The following CCDC192 variants were observed in gnomAD, a reference collection of about 807,000 sequenced individuals.
CCDC192 encodes the protein coiled-coil domain containing 192.
At chr5:127,853,778 G>A (rs1561524134) in intron 5 of CCDC192, among the ~76,000 whole-genome samples, 1 of 151,920 alleles carries the variant, frequency 6.6e-6, no homozygotes, top group African/African-American at 2.4e-5. Context: ...GTCTCAAAAA[G>A]CAAACAAACA....
intron 1 of CCDC192, among the ~76,000 whole-genome samples, chr5:127,706,277 C>T (rs1335863110): frequency 6.6e-6 from 1 of 151,836 alleles, no homozygotes; most frequent in Non-Finnish European, 1.5e-5. Flanking sequence ...GCCTGTAATC[C>T]CAGCACTTTG....
chr5:127,771,737 T>G lies in CCDC192; in HGVS notation c.222+17362T>G, dbSNP rs193272351. ...CCTCTTCAAATAACAGAATCCCAAT[T>G]AAAGTAATGTAATAATGTTGCAGGA... On this transcript the variant is annotated intron_variant, in intron 3 of 6. Transcript: ENST00000514853. 1.3e-4 allele frequency among the ~76,000 whole-genome samples: 20 copies of G among 152,332 alleles called. 1 individual carries two copies. In the East Asian group the frequency reaches 3.9e-3, roughly 29 times the overall value.
intron 6 of CCDC192, among the ~76,000 whole-genome samples, chr5:127,883,815 AG>A (rs1752447539): frequency 6.6e-6 from 1 of 152,232 alleles, no homozygotes; most frequent in African/African-American, 2.4e-5. Context: ...AGCATTGATC[AG>A]GACTTTGTTG....
At chr5:127,826,768 C>A (rs1232828696) in intron 5 of CCDC192, among the ~76,000 whole-genome samples, 2 of 150,482 alleles carry the variant, frequency 1.3e-5, no homozygotes, top group African/African-American at 4.9e-5. Context: ...GCACATGTAC[C>A]CCCTCAAGCT....
At chr5:127,900,243 C>T (rs1195217139) in intron 6 of CCDC192, among the ~76,000 whole-genome samples, 1 of 152,176 alleles carries the variant, frequency 6.6e-6, no homozygotes, top group African/African-American at 2.4e-5. Flanking sequence ...ACAGGTGCTC[C>T]TTCCTTTTCC....
chr5:127,734,155 C>A (rs1458320015), intron 2 of CCDC192, among the ~76,000 whole-genome samples: 1 of 146,286 alleles, frequency 6.8e-6, no homozygotes, highest in Non-Finnish European at 1.5e-5. Flanking sequence ...CAGTTCCCAC[C>A]TATGAGTGAG....
intron 3 of CCDC192, among the ~76,000 whole-genome samples, chr5:127,771,375 G>A (rs116030216): frequency 6.6e-6 from 1 of 152,148 alleles, no homozygotes; most frequent in Non-Finnish European, 1.5e-5. Flanking sequence ...TTTTAAAAGA[G>A]TTCAATTACA....
chr5:127,810,217 G>T (rs1025500720), intron 5 of CCDC192, among the ~76,000 whole-genome samples: 1 of 152,170 alleles, frequency 6.6e-6, no homozygotes, highest in Non-Finnish European at 1.5e-5. Flanking sequence ...GTCCATTGTG[G>T]GACTTGCTGG....
At chr5:127,781,238 T>C (rs1561484847) in intron 3 of CCDC192, among the ~76,000 whole-genome samples, 1 of 152,210 alleles carries the variant, frequency 6.6e-6, no homozygotes, top group Non-Finnish European at 1.5e-5. Flanking sequence ...TATGGCCTTA[T>C]AGTATAGTTT....
intron 5 of CCDC192, among the ~76,000 whole-genome samples, chr5:127,865,395 A>G (rs140831407): frequency 1.6e-3 from 238 of 152,168 alleles, no homozygotes; most frequent in African/African-American, 4.8e-3. Context: ...AGCAGGACTG[A>G]CACCTTTAAG....
chr5:127,913,264 C>A (rs1753426923), intron 6 of CCDC192, among the ~76,000 whole-genome samples: 1 of 152,208 alleles, frequency 6.6e-6, no homozygotes, highest in Non-Finnish European at 1.5e-5. Flanking sequence ...AGGAAGAATT[C>A]AAATGCAGAT....
chr5:127,939,452 T>A (rs565045291), intron 6 of CCDC192, among the ~76,000 whole-genome samples: 1 of 152,286 alleles, frequency 6.6e-6, no homozygotes, highest in East Asian at 1.9e-4. Context: ...TGTTATAATA[T>A]TAAACATTCT....
chr5:127,739,859 C>T (rs1753300162), intron 2 of CCDC192: 1 of 152,652 alleles, frequency 6.6e-6, no homozygotes, highest in Non-Finnish European at 1.5e-5. Flanking sequence ...GAAACCGGTA[C>T]CTCAGATGGA....
chr5:127,859,624 T>C (rs1751271432), intron 5 of CCDC192, among the ~76,000 whole-genome samples: 1 of 152,202 alleles, frequency 6.6e-6, no homozygotes, highest in South Asian at 2.1e-4. Context: ...TCCAAAAATT[T>C]GCCCACCATT....
intron 5 of CCDC192, among the ~76,000 whole-genome samples, chr5:127,854,169 C>T (rs149463122): frequency 6.6e-6 from 1 of 152,282 alleles, no homozygotes; most frequent in East Asian, 1.9e-4. Context: ...TCTTAGCAGG[C>T]TCATCTTTCT....
chr5:127,843,196 G>A (rs549314545), intron 5 of CCDC192, among the ~76,000 whole-genome samples: 2 of 150,776 alleles, frequency 1.3e-5, no homozygotes, highest in Non-Finnish European at 1.5e-5. Context: ...CACCATGCCC[G>A]GCTAATTTTT....
At chr5:127,878,012 CTG>C (rs1752152075) in intron 6 of CCDC192, among the ~76,000 whole-genome samples, 2 of 152,212 alleles carry the variant, frequency 1.3e-5, no homozygotes, top group African/African-American at 2.4e-5. Flanking sequence ...TCAGGAAACA[CTG>C]TGTCACTCAT....
intron 6 of CCDC192, among the ~76,000 whole-genome samples, chr5:127,905,905 T>C (rs758806634): frequency 7.2e-5 from 11 of 152,188 alleles, no homozygotes; most frequent in Non-Finnish European, 1.6e-4. Context: ...GGGAGAGAGA[T>C]ATCATTCCTG....
chr5:127,751,278 C>G (rs1754149797), intron 2 of CCDC192, among the ~76,000 whole-genome samples: 1 of 152,004 alleles, frequency 6.6e-6, no homozygotes, highest in Non-Finnish European at 1.5e-5. Flanking sequence ...ATGTTTAGCA[C>G]TTCCTTCAAG....
Sources: gnomAD v4.1 joint callset for allele counts (sites outside exome capture counted in the v4.1 genomes callset) on GRCh38, gnomAD v4.1.1 for gene constraint, MANE v1.5 for transcripts, NCBI Gene and HGNC (gene_info 2026-07-23, HGNC 2026-07-21) for gene names.